PDS5B: variants seen among roughly 807,000 people sequenced by gnomAD.
PDS5B encodes PDS5 cohesin associated factor B, also known as sister chromatid cohesion protein PDS5 homolog B.
PDS5B carries 51 observed loss-of-function variants against 184.1 expected under a neutral mutation model. The ratio of observed to expected loss-of-function variants is 0.28; its 90% CI spans 0.22 to 0.35. The LOEUF (loss-of-function observed/expected upper bound fraction) is 0.35, where lower values mean the gene tolerates loss of function less well. Among genes scored for constraint, PDS5B ranks in the 10% least tolerant of loss-of-function variants. The pLI, the probability that PDS5B is intolerant of heterozygous loss-of-function variation, is 1.00. For synonymous variants in PDS5B, 566 were observed against 569.2 expected (o/e 0.99, Z 0.08); for missense variants, 1,180 against 1,723.3 (o/e 0.68, Z 5.58).
chr13:32,725,544 A>G (rs1952869149), intron 19 of PDS5B, among the ~76,000 whole-genome samples: 1 of 152,202 alleles, frequency 6.6e-6, no homozygotes, highest in African/African-American at 2.4e-5. Flanking sequence ...AGAAATTACA[A>G]CATGAGTCCT....
intron 7 of PDS5B, among the ~76,000 whole-genome samples, chr13:32,670,842 G>A (rs545687432): frequency 1.4e-4 from 22 of 152,268 alleles, no homozygotes; most frequent in Non-Finnish European, 3.1e-4. Flanking sequence ...CACCTGCAAT[G>A]CTTGGGTGGT....
At chr13:32,735,472 C>G (rs1218406103) in intron 21 of PDS5B, 142 bp downstream of exon 21, 25 of 601,702 alleles carry the variant, frequency 4.2e-5, no homozygotes, top group Non-Finnish European at 6.7e-5. Context: ...AAAAAATAAG[C>G]CTTGTCTCCA....
chr13:32,705,707 TCTCA>T (rs1275785749), intron 17 of PDS5B, among the ~76,000 whole-genome samples: 1 of 152,136 alleles, frequency 6.6e-6, no homozygotes, highest in Non-Finnish European at 1.5e-5. Context: ...AGAGATAGGG[TCTCA>T]CTCTGCCACC....
rs1954903945 is a variant in PDS5B at position 32,774,825 on chromosome 13, T to C, written c.4309-192T>C. Among the ~76,000 whole-genome samples the C allele has an allele frequency of 2.0e-5, 3 of 152,228 alleles. No individual in the cohort carries two copies. The South Asian group carries it at 6.2e-4, about 32-fold the overall frequency. On this transcript the variant is annotated intron_variant, in intron 34 of 34. Coordinates refer to ENST00000315596, the MANE Select transcript of PDS5B (RefSeq NM_015032.4). ...ACTGTTCTGGGGAAGTCTGTGAGCC[T>C]GTAAGGGATCAAATGTTATAGAGGT... is the stretch of plus-strand genomic sequence containing the variant.
chr13:32,612,407 T>C (rs1396085616), intron 1 of PDS5B, among the ~76,000 whole-genome samples: 2 of 152,142 alleles, frequency 1.3e-5, no homozygotes, highest in Admixed American at 1.3e-4. Flanking sequence ...TAGGTATAAT[T>C]TACATATCGT....
At chr13:32,761,492 C>T (rs764823105) in intron 30 of PDS5B, among the ~76,000 whole-genome samples, 18 of 152,002 alleles carry the variant, frequency 1.2e-4, no homozygotes, top group Non-Finnish European at 2.2e-4. Context: ...CCCAGTAGTC[C>T]GCATTGTCTG....
intron 8 of PDS5B, among the ~76,000 whole-genome samples, chr13:32,675,293 A>G (rs1951036193): frequency 6.6e-6 from 1 of 152,200 alleles, no homozygotes; most frequent in Non-Finnish European, 1.5e-5. Flanking sequence ...CCCCAATATA[A>G]TATATAAAAC....
At chr13:32,679,357 T>C (rs768807127) in intron 10 of PDS5B, among the ~76,000 whole-genome samples, 2 of 152,186 alleles carry the variant, frequency 1.3e-5, no homozygotes, top group Non-Finnish European at 2.9e-5. Context: ...TTCCAACCTA[T>C]GTAGGAACTA....
At chr13:32,606,111 T>C (rs2058056576) in intron 1 of PDS5B, among the ~76,000 whole-genome samples, 1 of 152,236 alleles carries the variant, frequency 6.6e-6, no homozygotes, top group Non-Finnish European at 1.5e-5. Flanking sequence ...CCTGTCATTA[T>C]GATGTTAGCT....
At chr13:32,647,335 A>G (rs922240009) in intron 1 of PDS5B, among the ~76,000 whole-genome samples, 2 of 152,198 alleles carry the variant, frequency 1.3e-5, no homozygotes, top group Admixed American at 6.5e-5. Flanking sequence ...CAGTGGCGCA[A>G]TCTCAGCTCA....
chr13:32,696,794 G>C, intron 14 of PDS5B, 60 bp from the exon 15 acceptor site: 1 of 1,184,692 alleles, frequency 8.4e-7, no homozygotes, highest in South Asian at 1.3e-5. Flanking sequence ...TTTTTGCAGA[G>C]TATGATGAAG....
chr13:32,589,297 G>A (rs757475790), intron 1 of PDS5B, among the ~76,000 whole-genome samples: 3 of 152,092 alleles, frequency 2.0e-5, no homozygotes, highest in Non-Finnish European at 4.4e-5. Context: ...TTCTATTCAG[G>A]ATTTAGCAAT....
chr13:32,615,558 T>C (rs2058205755), intron 1 of PDS5B, among the ~76,000 whole-genome samples: 1 of 152,190 alleles, frequency 6.6e-6, no homozygotes, highest in Non-Finnish European at 1.5e-5. Context: ...CTATAATTTT[T>C]AGTTGTGTCG....
intron 10 of PDS5B, among the ~76,000 whole-genome samples, chr13:32,683,315 ATTTT>A (rs529817272): frequency 8.3e-6 from 1 of 119,908 alleles, no homozygotes. Context: ...GGCCTTTAAA[ATTTT>A]TTTTTTTTTT....
intron 19 of PDS5B, among the ~76,000 whole-genome samples, chr13:32,725,878 G>A (rs9591283): frequency 0.024 from 3,594 of 151,660 alleles, 148 homozygotes; most frequent in African/African-American, 0.081. Context: ...TTTTTATTTA[G>A]CATGTATCAT....
chr13:32,716,637 G>A (rs1206621070), intron 19 of PDS5B, among the ~76,000 whole-genome samples: 4 of 141,914 alleles, frequency 2.8e-5, no homozygotes, highest in African/African-American at 7.8e-5. Context: ...CCCCCCGCCC[G>A]GCCAGCCGCC....
At chr13:32,659,066 G>T in intron 5 of PDS5B, 88 bp from the exon 6 acceptor site, 1 of 868,484 alleles carries the variant, frequency 1.2e-6, no homozygotes, top group Non-Finnish European at 1.6e-6. Context: ...TATTATTTTT[G>T]TAAAGCATAA....
At chr13:32,760,197 C>T (rs1015743742) in intron 29 of PDS5B, among the ~76,000 whole-genome samples, 94 of 152,218 alleles carry the variant, frequency 6.2e-4, no homozygotes, top group Admixed American at 6.0e-3. Context: ...CCTCGTGATA[C>T]ACCCGCCTTG....
In PDS5B at chr13:32,732,366, A is replaced by G. The variant is rs557589633; in HGVS notation, c.2247+142A>G. ...ATTTGAATCAGTAAAATCAACATTG[A>G]TAAGTGTTAAAATATGAAAATATCT... On this transcript the variant is annotated intron_variant, in intron 20 of 34. Transcript: ENST00000315596. 4.6e-5 allele frequency: 29 copies of G among 625,166 alleles called. No homozygotes were observed. In the African/African-American group the frequency reaches 4.7e-4, roughly 10 times the overall value. 38.7% of individuals were successfully genotyped at this position (625,166 alleles called of 1,614,324 possible). A position where few individuals can be genotyped will look rare whatever the true frequency, so the allele number is the denominator to read the frequency against.
Sources: allele counts gnomAD v4.1 joint callset (sites outside exome capture counted in the v4.1 genomes callset), GRCh38; gene constraint gnomAD v4.1.1; transcripts MANE v1.5; gene names NCBI Gene and HGNC (gene_info 2026-07-23, HGNC 2026-07-21).